AFF1: variants seen among roughly 807,000 people sequenced by gnomAD.
AFF1 encodes the protein ALF transcription elongation factor 1.
Under a neutral mutation model 121.7 loss-of-function variants are expected in AFF1, and 48 were observed. That is an observed-to-expected ratio of 0.39 (90% CI 0.31 to 0.50). The LOEUF (loss-of-function observed/expected upper bound fraction) is 0.50. Among genes scored for constraint, AFF1 ranks in the 20% least tolerant of loss-of-function variants. AFF1 has a pLI of 0.76. For synonymous variants in AFF1, 613 were observed against 563.0 expected (o/e 1.09, Z -1.26); for missense variants, 1,523 against 1,511.7 (o/e 1.01, Z -0.12).
Position 87,070,884 on chromosome 4 carries a change from C to T in AFF1, c.1060-13236C>T, listed in dbSNP as rs528932110. On this transcript the variant is annotated intron_variant, in intron 4 of 20. Coordinates refer to ENST00000395146, the MANE Select transcript of AFF1 (RefSeq NM_001166693.3). ...ATTTATGTGATGAAAAGCTAATAGG[C>T]GAGGACGATAGTGTTTCCACTTTTT... Among the ~76,000 whole-genome samples, 9 of 152,218 alleles carry T rather than the reference C, an allele frequency of 5.9e-5. No homozygotes were observed. The East Asian group carries it at 7.7e-4, about 13-fold the overall frequency.
intron 2 of AFF1, among the ~76,000 whole-genome samples, chr4:86,952,470 A>G (rs1285657022): frequency 1.3e-5 from 2 of 152,170 alleles, no homozygotes; most frequent in Non-Finnish European, 2.9e-5. Flanking sequence ...AGGTAAAAGT[A>G]TTATCATTGG....
intron 2 of AFF1, among the ~76,000 whole-genome samples, chr4:86,962,963 C>T (rs567461506): frequency 2.0e-5 from 3 of 152,006 alleles, no homozygotes; most frequent in South Asian, 4.2e-4. Flanking sequence ...GCCAGGAGTT[C>T]GAGACCAGCC....
At chr4:87,005,956 T>C (rs974597726) in intron 2 of AFF1, among the ~76,000 whole-genome samples, 4 of 140,304 alleles carry the variant, frequency 2.9e-5, no homozygotes, top group Admixed American at 2.7e-4. Context: ...AAAGACAATG[T>C]CTTTGTGTTA....
intron 13 of AFF1, 126 bp from the exon 14 acceptor site, chr4:87,125,964 ATTTGGCCTG>A: frequency 1.2e-6 from 1 of 840,978 alleles, no homozygotes; most frequent in South Asian, 1.6e-5. Flanking sequence ...AGTCCCTGAA[ATTTGGCCTG>A]TTTACACAGT....
chr4:87,001,487 A>AT (rs1012257470), intron 2 of AFF1, among the ~76,000 whole-genome samples: 1 of 152,046 alleles, frequency 6.6e-6, no homozygotes, highest in African/African-American at 2.4e-5. Flanking sequence ...AGGTGTCGGG[A>AT]TTACAGGCGT....
intron 2 of AFF1, among the ~76,000 whole-genome samples, chr4:86,966,799 C>T (rs934551342): frequency 1.3e-5 from 2 of 152,100 alleles, no homozygotes; most frequent in Admixed American, 1.3e-4. Flanking sequence ...GAGAGACTTC[C>T]TTATATGGGG....
At chr4:87,098,765 T>C (rs1438211720) in intron 8 of AFF1, among the ~76,000 whole-genome samples, 1 of 152,200 alleles carries the variant, frequency 6.6e-6, no homozygotes, top group Admixed American at 6.5e-5. Context: ...GAAATATTTA[T>C]TACTTATGTG....
chr4:86,963,853 A>T (rs1722327612), intron 2 of AFF1, among the ~76,000 whole-genome samples: 1 of 148,766 alleles, frequency 6.7e-6, no homozygotes, highest in South Asian at 2.1e-4. Context: ...GGAGTGCAGC[A>T]TTGCACAGTC....
At position 87,033,191 on chromosome 4, in the gene AFF1, C is replaced by T. The variant is rs890794799; in HGVS notation, c.39-12975C>T. ...TTTTCTTTAGAGAAATAAATTGCAT[C>T]TTGCCAGTTTCCTTAATATCCTGTT... On this transcript the variant is annotated intron_variant, in intron 2 of 20. Coordinates refer to ENST00000395146, the MANE Select transcript of AFF1 (RefSeq NM_001166693.3). Among the ~76,000 whole-genome samples, 7 of 152,302 alleles carry T rather than the reference C, an allele frequency of 4.6e-5. No homozygotes were observed. In the South Asian group the frequency reaches 8.3e-4, roughly 18 times the overall value.
chr4:87,098,041 G>C (rs1219076182), intron 8 of AFF1, among the ~76,000 whole-genome samples: 1 of 152,012 alleles, frequency 6.6e-6, no homozygotes, highest in Non-Finnish European at 1.5e-5. Flanking sequence ...TTTACACTTT[G>C]ATTTAAAAAA....
intron 4 of AFF1, among the ~76,000 whole-genome samples, chr4:87,078,199 C>T (rs1196059039): frequency 1.3e-5 from 2 of 152,076 alleles, no homozygotes; most frequent in African/African-American, 2.4e-5. Context: ...GTAATGTTTC[C>T]AGGGAGAAAA....
At chr4:86,952,668 C>A (rs368269375) in intron 2 of AFF1, among the ~76,000 whole-genome samples, 608 of 141,672 alleles carry the variant, frequency 4.3e-3, no homozygotes, top group African/African-American at 0.015. Flanking sequence ...TAAAAAAAAA[C>A]AAAAAAACAA....
intron 2 of AFF1, among the ~76,000 whole-genome samples, chr4:86,978,008 A>T (rs533119809): frequency 7.9e-5 from 12 of 152,130 alleles, no homozygotes; most frequent in Admixed American, 6.6e-4. Flanking sequence ...TGGAAGGAAG[A>T]TGGTAAATGG....
intron 4 of AFF1, among the ~76,000 whole-genome samples, chr4:87,053,987 C>G (rs1044763833): frequency 6.6e-6 from 1 of 152,156 alleles, no homozygotes; most frequent in Non-Finnish European, 1.5e-5. Flanking sequence ...TAAGCAGTGT[C>G]AGTATTCCAG....
intron 2 of AFF1, among the ~76,000 whole-genome samples, chr4:87,012,837 A>C (rs971933847): frequency 3.3e-5 from 5 of 152,140 alleles, no homozygotes; most frequent in Non-Finnish European, 7.4e-5. Context: ...GGCAGTGATC[A>C]GTGTTGAGAA....
chr4:87,079,555 T>A (rs1043868730), intron 4 of AFF1, among the ~76,000 whole-genome samples: 6 of 152,226 alleles, frequency 3.9e-5, no homozygotes, highest in Non-Finnish European at 8.8e-5. Context: ...ACAACTGGAA[T>A]CACACACCCT....
At chr4:87,072,503 GTATT>G (rs1012582315) in intron 4 of AFF1, among the ~76,000 whole-genome samples, 2 of 151,228 alleles carry the variant, frequency 1.3e-5, no homozygotes, top group Non-Finnish European at 2.9e-5. Flanking sequence ...TCTGCCCCTT[GTATT>G]TATTTATTAT....
At position 87,140,775 on chromosome 4, in the gene AFF1, T is replaced by TG. The variant is rs1729653126; in HGVS notation, c.*5078dup. 1 of 188,982 alleles carries TG rather than the reference T, an allele frequency of 5.3e-6. No individual in the cohort carries two copies. The highest frequency in any genetic ancestry group is 6.2e-5 in the Admixed American group (1 of 16,186). The allele number at this position is 188,982 out of a possible 1,614,324, so 11.7% of individuals were successfully genotyped here. On this transcript the variant is annotated 3_prime_UTR_variant, in exon 21 of 21. Coordinates refer to ENST00000395146, the MANE Select transcript of AFF1 (RefSeq NM_001166693.3). Reference sequence around the variant, plus strand: ...CTACTTCAGCAATGGAACTGCAACTTGGGGCTTTGTGAATAAAATTTAGCT... The same window carrying TG: ...CTACTTCAGCAATGGAACTGCAACTTGGGGGCTTTGTGAATAAAATTTAGCT...
At chr4:86,974,575 G>A (rs1025823187) in intron 2 of AFF1, among the ~76,000 whole-genome samples, 1 of 152,162 alleles carries the variant, frequency 6.6e-6, no homozygotes. Flanking sequence ...TGAAGCTGCT[G>A]TTTTTCCAAG....
Sources: allele counts gnomAD v4.1 joint callset (sites outside exome capture counted in the v4.1 genomes callset), GRCh38; gene constraint gnomAD v4.1.1; transcripts MANE v1.5; gene names NCBI Gene and HGNC (gene_info 2026-07-23, HGNC 2026-07-21).